ANKS1A: variants seen among roughly 807,000 people sequenced by gnomAD.
ANKS1A encodes the protein ankyrin repeat and sterile alpha motif domain containing 1A.
In ANKS1A, 55 loss-of-function variants were observed where a neutral mutation model predicts 120.3. The observed-to-expected ratio is 0.46, with a 90% CI of 0.37 to 0.57. The LOEUF is 0.57. ANKS1A is among the 20% of genes least tolerant of loss of function. The pLI is 0.00. For synonymous variants in ANKS1A, 590 were observed against 604.7 expected (o/e 0.98, Z 0.36); for missense variants, 1,123 against 1,480.3 (o/e 0.76, Z 3.96).
At position 35,078,595 on chromosome 6, in the gene ANKS1A, T is replaced by C; in HGVS notation, c.2222T>C (p.Ile741Thr). 1 of 1,609,124 alleles carries C rather than the reference T, an allele frequency of 6.2e-7. No individual in the cohort carries two copies. Among genetic ancestry groups the C allele is most frequent in the Non-Finnish European group, 8.5e-7 (1 of 1,179,934 alleles). Residue 741 changes from isoleucine to threonine, a missense_variant, in exon 14 of 24, where the codon ATC (isoleucine) becomes ACC (threonine). By Grantham distance (89) the Ile-to-Thr change is moderately conservative (BLOSUM62 -1). Transcript: ENST00000360359. ...ATGGAAGAGCAGGACCTGCGGGACA[T>C]CGGCATCAGCGACCCACAGCACCGG... ...NVMEEQDLRD[I>T]GISDPQHRRK...
chr6:34,968,012 T>TA (rs955092875), intron 2 of ANKS1A, among the ~76,000 whole-genome samples: 1 of 152,016 alleles, frequency 6.6e-6, no homozygotes, highest in Non-Finnish European at 1.5e-5. Context: ...GAAAATAGAT[T>TA]AAGTGGTCAT....
rs753822903 is a variant in ANKS1A at position 35,081,016 on chromosome 6, C to T, written c.2567C>T (p.Thr856Met). The T allele has an allele frequency of 1.1e-4, 184 of 1,613,666 alleles. 1 individual carries two copies. The highest frequency in any genetic ancestry group is 1.5e-4 in the Non-Finnish European group (175 of 1,179,736). ...CAGTGCCAAGATTTGCTCTCCCAGA[C>T]GTCATCCCCACTGAGTCAGAATGAT... ...QLRCQDLLSQTSSPLSQNDSC... is the reference protein window; with the variant it reads ...QLRCQDLLSQMSSPLSQNDSC... The change falls in exon 17 of 24, where the codon ACG becomes ATG. Residue 856 changes from threonine to methionine, a missense_variant. Physicochemically the swap from Thr to Met is moderately conservative, Grantham distance 81 (BLOSUM62 -1). Coordinates refer to ENST00000360359, the MANE Select transcript of ANKS1A (RefSeq NM_015245.3).
rs936711912 is a variant in ANKS1A at position 34,941,837 on chromosome 6, G to T, written c.198-25402G>T. 3.3e-5 allele frequency among the ~76,000 whole-genome samples: 5 copies of T among 152,276 alleles called. No homozygotes were observed. In the South Asian group the frequency reaches 6.2e-4, roughly 19 times the overall value. Reference sequence around the variant, plus strand: ...GACCTGGGCTAGGAAACCTGAGAGGGACATGGTCTAACTTGTGCTGGGAAT... The same window carrying T: ...GACCTGGGCTAGGAAACCTGAGAGGTACATGGTCTAACTTGTGCTGGGAAT... On this transcript the variant is annotated intron_variant, in intron 1 of 23. Coordinates refer to ENST00000360359, the MANE Select transcript of ANKS1A (RefSeq NM_015245.3).
chr6:35,091,153 T>C lies in ANKS1A; in HGVS notation c.*2544T>C. 1.0e-6 allele frequency: 1 copy of C among 985,888 alleles called. No individual in the cohort carries two copies. The highest frequency in any genetic ancestry group is 1.2e-6 in the Non-Finnish European group (1 of 829,938). The allele number at this position is 985,888 out of a possible 1,614,324, so 61.1% of individuals were successfully genotyped here. A position where few individuals can be genotyped will look rare whatever the true frequency, so the allele number is the denominator to read the frequency against. On this transcript the variant is annotated 3_prime_UTR_variant, in exon 24 of 24. Coordinates refer to ENST00000360359, the MANE Select transcript of ANKS1A (RefSeq NM_015245.3). ...TAATGAAAATGTTATTTAATCTTTG[T>C]CTCTGTATTTTGATACTTGAATGAC...
chr6:34,909,233 C>A (rs1171797430), intron 1 of ANKS1A, among the ~76,000 whole-genome samples: 5 of 152,192 alleles, frequency 3.3e-5, no homozygotes, highest in Admixed American at 2.6e-4. Flanking sequence ...AAATACTACA[C>A]TAGACACATT....
intron 13 of ANKS1A, among the ~76,000 whole-genome samples, chr6:35,067,086 G>A (rs1313770873): frequency 6.6e-6 from 1 of 152,146 alleles, no homozygotes; most frequent in African/African-American, 2.4e-5. Context: ...CTGGTACTGG[G>A]AAAGCCCTCG....
chr6:34,906,078 A>T (rs1767632933), intron 1 of ANKS1A, among the ~76,000 whole-genome samples: 1 of 151,960 alleles, frequency 6.6e-6, no homozygotes, highest in East Asian at 1.9e-4. Flanking sequence ...TCCCACCTCA[A>T]CCACCATCTA....
chr6:34,900,635 T>G (rs1368666945), intron 1 of ANKS1A, among the ~76,000 whole-genome samples: 1 of 152,152 alleles, frequency 6.6e-6, no homozygotes, highest in Non-Finnish European at 1.5e-5. Flanking sequence ...GCCATTTTAC[T>G]GGTGAGGAAA....
chr6:34,889,494 G>T lies in ANKS1A; in HGVS notation c.92G>T (p.Gly31Val). 7.8e-7 allele frequency: 1 copy of T among 1,279,594 alleles called. No homozygotes were observed. 79.3% of individuals were successfully genotyped at this position (1,279,594 alleles called of 1,614,324 possible). A position where few individuals can be genotyped will look rare whatever the true frequency, so the allele number is the denominator to read the frequency against. ...CTGTCCGGGAAGCGGCTCTCCTCAG[G>T]CTTTGGGGGCGGCGGCGGCGGTGGC... ...KLLSGKRLSSGFGGGGGGGSG... is the reference protein window; with the variant it reads ...KLLSGKRLSSVFGGGGGGGSG... Residue 31 changes from glycine to valine, a missense_variant, in exon 1 of 24, where the codon GGC (glycine) becomes GTC (valine). By Grantham distance (109) the Gly-to-Val change is moderately radical (BLOSUM62 -3). Coordinates refer to ENST00000360359, the MANE Select transcript of ANKS1A (RefSeq NM_015245.3). This position sits in a 1 kb window ranked among gnomAD's most constrained non-coding sequence, Gnocchi z 5.5.
intron 3 of ANKS1A, 71 bp from the exon 4 acceptor site, chr6:34,981,619 G>A (rs990564786): frequency 2.2e-5 from 34 of 1,519,140 alleles, no homozygotes; most frequent in African/African-American, 1.5e-4. Flanking sequence ...GTGGTTTTAC[G>A]AGTGGTTGTC....
rs528233475 is a variant in ANKS1A at position 35,080,470 on chromosome 6, C to T, written c.2545-524C>T. On this transcript the variant is annotated intron_variant, in intron 16 of 23. Coordinates refer to ENST00000360359, the MANE Select transcript of ANKS1A (RefSeq NM_015245.3). ...GGCGGTAACTAGAGCAGCCGCTCCCCGAGCCCTCGGGTGCACTGGGCCTGC... is the reference window on the plus strand; with the variant it reads ...GGCGGTAACTAGAGCAGCCGCTCCCTGAGCCCTCGGGTGCACTGGGCCTGC... 5.3e-5 allele frequency among the ~76,000 whole-genome samples: 8 copies of T among 152,330 alleles called. No homozygotes were observed. The East Asian group carries it at 7.7e-4, about 15-fold the overall frequency.
At chr6:35,031,270 C>T (rs761369520) in intron 11 of ANKS1A, among the ~76,000 whole-genome samples, 1 of 152,174 alleles carries the variant, frequency 6.6e-6, no homozygotes, top group Non-Finnish European at 1.5e-5. Flanking sequence ...CCCCATGTCC[C>T]ATCACATAAC....
At chr6:34,981,108 T>C (rs1771882084) in intron 3 of ANKS1A, among the ~76,000 whole-genome samples, 1 of 152,180 alleles carries the variant, frequency 6.6e-6, no homozygotes. Context: ...TGAGCCCGAG[T>C]GCCCCCTTTA....
intron 13 of ANKS1A, among the ~76,000 whole-genome samples, chr6:35,071,411 G>GGTTGT: frequency 6.6e-6 from 1 of 151,940 alleles, no homozygotes; most frequent in Non-Finnish European, 1.5e-5. Flanking sequence ...AGTCAGGTTG[G>GGTTGT]CACTCGGTGT....
intron 11 of ANKS1A, among the ~76,000 whole-genome samples, chr6:35,045,407 T>C (rs749305028): frequency 1.3e-5 from 2 of 152,202 alleles, no homozygotes; most frequent in East Asian, 1.9e-4. Context: ...TTTCACCTTA[T>C]AGAAGAGGAA....
chr6:34,889,803 C>T lies in ANKS1A; in HGVS notation c.197+204C>T, dbSNP rs891373332. On this transcript the variant is annotated intron_variant, in intron 1 of 23. Transcript: ENST00000360359. This position sits in a 1 kb window ranked among gnomAD's most constrained non-coding sequence, Gnocchi z 5.5. ...GCTGCTCCGGGCTCGCCTGGTCTCC[C>T]GTTCTGACCCGGCTGCGAAGAATGG... Among the ~76,000 whole-genome samples, 1 of 152,114 alleles carries T rather than the reference C, an allele frequency of 6.6e-6. No individual in the cohort carries two copies. Among genetic ancestry groups the T allele is most frequent in the African/African-American group, 2.4e-5 (1 of 41,416 alleles).
chr6:35,038,358 C>T, intron 11 of ANKS1A: 1 of 456,232 alleles, frequency 2.2e-6, no homozygotes, highest in South Asian at 1.5e-5. Flanking sequence ...ACAGTTTCGA[C>T]CGGTCCACGA....
intron 1 of ANKS1A, among the ~76,000 whole-genome samples, chr6:34,902,251 T>C (rs1490842321): frequency 6.7e-6 from 1 of 149,630 alleles, no homozygotes; most frequent in African/African-American, 2.5e-5. Flanking sequence ...TTTTTGTTTC[T>C]TTTTTTTTTC....
intron 10 of ANKS1A, among the ~76,000 whole-genome samples, chr6:35,000,952 T>C (rs1016099883): frequency 3.3e-5 from 5 of 152,204 alleles, no homozygotes; most frequent in South Asian, 2.1e-4. Flanking sequence ...TTCTGTGAAC[T>C]GGACATTAAA....
Sources: allele counts gnomAD v4.1 joint callset (sites outside exome capture counted in the v4.1 genomes callset), GRCh38; gene constraint gnomAD v4.1.1; non-coding constraint Gnocchi (gnomAD v3.1); transcripts MANE v1.5; gene names NCBI Gene and HGNC (gene_info 2026-07-23, HGNC 2026-07-21).